The following KLHL3 variants were observed in gnomAD, a reference collection of about 807,000 sequenced individuals.
KLHL3 encodes kelch-like protein 3.
KLHL3 carries 19 observed loss-of-function variants against 70.5 expected under a neutral mutation model. That is an observed-to-expected ratio of 0.27 (90% CI 0.19 to 0.40). KLHL3 has a LOEUF of 0.40. KLHL3 is among the 10% of genes least tolerant of loss of function. The pLI, the probability that KLHL3 is intolerant of heterozygous loss-of-function variation, is 1.00. For missense variants in KLHL3, 512 were observed against 771.1 expected (o/e 0.66, Z 3.98); for synonymous variants, 258 against 290.3 (o/e 0.89, Z 1.13).
intron 12 of KLHL3, chr5:137,628,718 CACACAG>C (rs1428710152): frequency 1.4e-4 from 15 of 103,774 alleles, no homozygotes; most frequent in East Asian, 2.7e-4. Context: ...TATATACACA[CACACAG>C]ACAGACAGAC....
Position 137,703,993 on chromosome 5 carries a change from A to T in KLHL3, c.242-5585T>A, listed in dbSNP as rs539815995. 2.6e-5 allele frequency among the ~76,000 whole-genome samples: 4 copies of T among 152,250 alleles called. No homozygotes were observed. In the East Asian group the frequency reaches 7.7e-4, roughly 29 times the overall value. On this transcript the variant is annotated intron_variant, in intron 3 of 14. Coordinates refer to ENST00000309755, the MANE Select transcript of KLHL3 (RefSeq NM_017415.3). Reference sequence around the variant, plus strand: ...TTTATTAACTATCTACACAGTGCTGAGTGCCTTATACCCGTTACCTATATT... The same window carrying T: ...TTTATTAACTATCTACACAGTGCTGTGTGCCTTATACCCGTTACCTATATT...
chr5:137,646,902 C>T (rs920660587), intron 8 of KLHL3, among the ~76,000 whole-genome samples: 6 of 152,302 alleles, frequency 3.9e-5, no homozygotes, highest in African/African-American at 1.4e-4. Context: ...TTATGCTAGA[C>T]TGAACATAAT....
chr5:137,653,311 G>T (rs1182123953), intron 8 of KLHL3, among the ~76,000 whole-genome samples: 1 of 152,052 alleles, frequency 6.6e-6, no homozygotes, highest in Non-Finnish European at 1.5e-5. Flanking sequence ...CTAAAAAAAT[G>T]AAAATATAAG....
chr5:137,689,540 G>A (rs889468119), intron 5 of KLHL3, among the ~76,000 whole-genome samples: 9 of 152,202 alleles, frequency 5.9e-5, no homozygotes, highest in African/African-American at 2.2e-4. Context: ...GGACACAGCT[G>A]GAAGCCATTA....
rs1157636863 is a variant in KLHL3, at chr5:137,618,895, A to T, written c.*3203T>A. 1 of 150,608 alleles carries T rather than the reference A, an allele frequency of 6.6e-6. No homozygotes were observed. Among genetic ancestry groups the T allele is most frequent in the African/African-American group, 2.4e-5 (1 of 41,130 alleles). The allele number at this position is 150,608 out of a possible 1,614,324, so 9.3% of individuals were successfully genotyped here. A position where few individuals can be genotyped will look rare whatever the true frequency, so the allele number is the denominator to read the frequency against. On this transcript the variant is annotated 3_prime_UTR_variant, in exon 15 of 15. Transcript: ENST00000309755. ...AGACTCCCTTGAATATGGTATTTTT[A>T]AAAAAAAAAAAAAGGCTCATCTACC...
At position 137,735,769 on chromosome 5, in the gene KLHL3, G is replaced by A; in HGVS notation, c.-123C>T. ...TGATCAGCAACAGTGATTCAGCATG[G>A]CTGCAAGTGAAGCCTCCTCCCTTCT... is the stretch of plus-strand genomic sequence containing the variant. On this transcript the variant is annotated 5_prime_UTR_variant, in exon 1 of 15. Coordinates refer to ENST00000309755, the MANE Select transcript of KLHL3 (RefSeq NM_017415.3). 1 of 1,350,314 alleles carries A rather than the reference G, an allele frequency of 7.4e-7. No individual in the cohort carries two copies. The highest frequency in any genetic ancestry group is 1.1e-6 in the Non-Finnish European group (1 of 941,162). The allele number at this position is 1,350,314 out of a possible 1,614,324, so 83.6% of individuals were successfully genotyped here.
chr5:137,736,038 C>T lies in KLHL3; in HGVS notation c.-392G>A, dbSNP rs545680518. ...TCTGCCCAGGCATCCCCAGCCCAGG[C>T]GATTAGCCCGCCCCTGGGGCTCCTG... is the stretch of plus-strand genomic sequence containing the variant. On this transcript the variant is annotated 5_prime_UTR_variant, in exon 1 of 15. Transcript: ENST00000309755. The T allele has an allele frequency of 2.5e-4, 86 of 344,718 alleles. 1 individual carries two copies. Among genetic ancestry groups the T allele is most frequent in the South Asian group, 2.2e-3 (82 of 36,864 alleles). 21.4% of individuals were successfully genotyped at this position (344,718 alleles called of 1,614,324 possible).
rs1580720598 is a variant in KLHL3, at chr5:137,634,130, A to G, written c.1357T>C (p.Ser453Pro). ...TCCACAGTGCTCAGACACTGGCGGG[A>G]AGCTCCATCATAACCCCCAACAGCA... Reference protein sequence around the residue: ...LYAVGGYDGASRQCLSTVEQY... With the variant: ...LYAVGGYDGAPRQCLSTVEQY... The change falls in exon 12 of 15, where the codon TCC (serine) becomes CCC (proline). Residue 453 changes from serine (S) to proline (P), a missense_variant. Coordinates refer to ENST00000309755, the MANE Select transcript of KLHL3 (RefSeq NM_017415.3). 1 of 1,613,590 alleles carries G rather than the reference A, an allele frequency of 6.2e-7. No homozygotes were observed. Among genetic ancestry groups the G allele is most frequent in the Non-Finnish European group, 8.5e-7 (1 of 1,179,886 alleles).
At chr5:137,628,465 C>T (rs2149878048) in intron 12 of KLHL3, 28 bp from the exon 13 acceptor site, 2 of 1,613,150 alleles carry the variant, frequency 1.2e-6, no homozygotes, top group African/African-American at 1.3e-5. Context: ...GCATCCCAGC[C>T]TCATGCTGAC....
Position 137,735,772 on chromosome 5 carries a change from G to T in KLHL3, c.-126C>A. 7.8e-7 allele frequency: 1 copy of T among 1,280,262 alleles called. No individual in the cohort carries two copies. Among genetic ancestry groups the T allele is most frequent in the Non-Finnish European group, 1.1e-6 (1 of 877,934 alleles). 79.3% of individuals were successfully genotyped at this position (1,280,262 alleles called of 1,614,324 possible). A position where few individuals can be genotyped will look rare whatever the true frequency, so the allele number is the denominator to read the frequency against. On this transcript the variant is annotated 5_prime_UTR_variant, in exon 1 of 15. Transcript: ENST00000309755. ...TCAGCAACAGTGATTCAGCATGGCT[G>T]CAAGTGAAGCCTCCTCCCTTCTCAA...
At chr5:137,670,111 G>T (rs1370272329) in intron 6 of KLHL3, among the ~76,000 whole-genome samples, 1 of 152,172 alleles carries the variant, frequency 6.6e-6, no homozygotes, top group Non-Finnish European at 1.5e-5. Context: ...GAAAGACAGG[G>T]AGTAAAATCT....
chr5:137,702,179 G>A (rs776335538), intron 3 of KLHL3, among the ~76,000 whole-genome samples: 6 of 152,166 alleles, frequency 3.9e-5, no homozygotes, highest in Non-Finnish European at 7.3e-5. Context: ...TGTTAGAAAA[G>A]GGGATGTAGC....
At chr5:137,724,870 A>T (rs1753062292) in intron 1 of KLHL3, among the ~76,000 whole-genome samples, 1 of 152,198 alleles carries the variant, frequency 6.6e-6, no homozygotes, top group African/African-American at 2.4e-5. Flanking sequence ...ACAAATAATA[A>T]GTGGTAGAGA....
chr5:137,710,071 G>A (rs1401393645), intron 2 of KLHL3, among the ~76,000 whole-genome samples: 2 of 152,136 alleles, frequency 1.3e-5, no homozygotes, highest in African/African-American at 4.8e-5. Flanking sequence ...AAGGTCCATG[G>A]AGAGATCCAA....
intron 12 of KLHL3, among the ~76,000 whole-genome samples, chr5:137,631,813 T>G (rs6882732): frequency 0.36 from 54,211 of 151,934 alleles, 10,451 homozygotes; most frequent in East Asian, 0.61. Context: ...AAACATAAGG[T>G]ATGATGAGGA....
Position 137,622,005 on chromosome 5 carries a change from C to G in KLHL3, c.*93G>C. On this transcript the variant is annotated 3_prime_UTR_variant, in exon 15 of 15. Transcript: ENST00000309755. The stretch of plus-strand genomic sequence containing the variant: ...GTTCTCACAGCAGCACAGACCCTCC[C>G]AAGCAAGTTGAATCCAGTCACCAAG... 1 of 1,377,960 alleles carries G rather than the reference C, an allele frequency of 7.3e-7. No homozygotes were observed. Among genetic ancestry groups the G allele is most frequent in the Non-Finnish European group, 1.0e-6 (1 of 965,192 alleles). The allele number at this position is 1,377,960 out of a possible 1,614,324, so 85.4% of individuals were successfully genotyped here.
At chr5:137,720,931 G>T (rs1388365580) in intron 1 of KLHL3, 4 of 1,041,244 alleles carry the variant, frequency 3.8e-6, no homozygotes, top group African/African-American at 1.7e-5. Flanking sequence ...AGCATTTACT[G>T]GAGGCTACTA....
intron 6 of KLHL3, among the ~76,000 whole-genome samples, chr5:137,673,150 G>A (rs1751803086): frequency 6.6e-6 from 1 of 152,220 alleles, no homozygotes; most frequent in Admixed American, 6.5e-5. Flanking sequence ...CCTGGGAAAT[G>A]CAGGCCATAT....
Position 137,688,550 on chromosome 5 carries a change from G to A in KLHL3, c.526+3735C>T, listed in dbSNP as rs138450431. On this transcript the variant is annotated intron_variant, in intron 5 of 14. Transcript: ENST00000309755. ...ACATTGCACAGGCTTCCAGGAACAT[G>A]CTTTCAATGGAAAATGCCAACTCTA... 2.9e-3 allele frequency among the ~76,000 whole-genome samples: 440 copies of A among 152,302 alleles called. 1 individual carries two copies. The highest frequency in any genetic ancestry group is 4.9e-3 in the Non-Finnish European group (330 of 68,024).
Sources: allele counts gnomAD v4.1 joint callset (sites outside exome capture counted in the v4.1 genomes callset), GRCh38; gene constraint gnomAD v4.1.1; transcripts MANE v1.5; gene names NCBI Gene and HGNC (gene_info 2026-07-23, HGNC 2026-07-21).